Variants in YAF2 observed in about 807,000 individuals in gnomAD.
YAF2 encodes YY1 associated factor 2.
Under a neutral mutation model 20.1 loss-of-function variants are expected in YAF2, and 7 were observed. The ratio of observed to expected loss-of-function variants is 0.35; its 90% confidence interval spans 0.20 to 0.65. YAF2 has a LOEUF of 0.65. YAF2 is among the 30% of genes least tolerant of loss of function. The probability of loss-of-function intolerance (pLI) is 0.69; values close to 1 mark genes in which losing one functional copy is unlikely to be tolerated. For synonymous variants in YAF2, 74 were observed against 76.0 expected, an observed-to-expected ratio of 0.97 and a Z score of 0.14; for missense variants, 151 against 219.2, an observed-to-expected ratio of 0.69 and a Z score of 1.96.
chr12:42,173,270 T>C (rs889738859), intron 2 of YAF2, among the ~76,000 whole-genome samples: 3 of 152,204 alleles, frequency 2.0e-5, no homozygotes, highest in Admixed American at 6.5e-5. Flanking sequence ...ATGTATTTAA[T>C]TTTCAATAGC....
In YAF2 at chr12:42,175,740, C is replaced by CAAAAAAAAA. The variant is rs59476115; in HGVS notation, c.153-13984_153-13976dup. Among the ~76,000 whole-genome samples the CAAAAAAAAA allele has an allele frequency of 3.0e-3, 136 of 44,990 alleles. 3 individuals are homozygous for CAAAAAAAAA. The highest frequency in any genetic ancestry group is 7.6e-3 in the African/African-American group (99 of 13,028). 29.5% of individuals were successfully genotyped at this position (44,990 alleles called of 152,430 possible). A position where few individuals can be genotyped will look rare whatever the true frequency, so the allele number is the denominator to read the frequency against. On this transcript the variant is annotated intron_variant, in intron 2 of 3. Transcript: ENST00000534854. ...CTGGCGACAGAGCAAGACTCTGTCT[C>CAAAAAAAAA]AAAAAAAAAAAAAAAAAAAAAAAAA...
At chr12:42,161,522 C>T in intron 3 of YAF2, 91 bp downstream of exon 3, 1 of 1,361,138 alleles carries the variant, frequency 7.3e-7, no homozygotes, top group South Asian at 1.7e-5. Context: ...AAATATTTTA[C>T]TTCCACTTTG....
In YAF2 at chr12:42,161,881, A is replaced by C. The variant is rs1322822298; in HGVS notation, c.153-116T>G. 6 of 949,958 alleles carry C rather than the reference A, an allele frequency of 6.3e-6. No individual in the cohort carries two copies. In the African/African-American group the frequency reaches 1.0e-4, roughly 16 times the overall value. 58.8% of individuals were successfully genotyped at this position (949,958 alleles called of 1,614,324 possible). ...TAATAACAATAACTTTCAAGTATAA[A>C]AATTCCTCATATGTAAGGTAATTTA... On this transcript the variant is annotated intron_variant, in intron 2 of 3. Transcript: ENST00000534854.
chr12:42,230,356 G>A (rs913679523), intron 2 of YAF2, among the ~76,000 whole-genome samples: 21 of 152,204 alleles, frequency 1.4e-4, no homozygotes, highest in African/African-American at 5.1e-4. Context: ...ACACAGCACA[G>A]GATTGGGATA....
In YAF2 at chr12:42,159,719, C is replaced by T. The variant is rs1434428877; in HGVS notation, c.*870G>A. The T allele has an allele frequency of 6.6e-6, 1 of 152,370 alleles. No individual in the cohort carries two copies. The highest frequency in any genetic ancestry group is 6.6e-5 in the Admixed American group (1 of 15,250). The allele number at this position is 152,370 out of a possible 1,614,324, so 9.4% of individuals were successfully genotyped here. On this transcript the variant is annotated 3_prime_UTR_variant, in exon 4 of 4. Coordinates refer to ENST00000534854, the MANE Select transcript of YAF2 (RefSeq NM_005748.6). ...TTGGGACAAGAAAACAATGATAAAA[C>T]TATCATTAAGTTAAAGCTTTTCTAA... is the stretch of plus-strand genomic sequence containing the variant.
chr12:42,226,240 T>G (rs141884357), intron 2 of YAF2, among the ~76,000 whole-genome samples: 30 of 152,338 alleles, frequency 2.0e-4, no homozygotes, highest in African/African-American at 7.2e-4. Context: ...TTATATCATA[T>G]AAATTTCAAC....
chr12:42,198,509 C>T (rs2066813315), intron 2 of YAF2, among the ~76,000 whole-genome samples: 1 of 152,146 alleles, frequency 6.6e-6, no homozygotes, highest in African/African-American at 2.4e-5. Context: ...TTGCTTGAGC[C>T]CAAGAAGCGC....
At chr12:42,207,452 T>C (rs1288407779) in intron 2 of YAF2, among the ~76,000 whole-genome samples, 1 of 145,794 alleles carries the variant, frequency 6.9e-6, no homozygotes, top group Non-Finnish European at 1.5e-5. Flanking sequence ...TCTTTTTATA[T>C]GCCACAAGAT....
At chr12:42,169,698 C>G (rs115075227) in intron 2 of YAF2, among the ~76,000 whole-genome samples, 1,597 of 152,118 alleles carry the variant, frequency 0.01, 29 homozygotes, top group African/African-American at 0.037. Context: ...GAGGTGTGAA[C>G]CACCGTGCCC....
At chr12:42,225,301 T>A (rs1324728022) in intron 2 of YAF2, among the ~76,000 whole-genome samples, 2 of 152,056 alleles carry the variant, frequency 1.3e-5, no homozygotes, top group Non-Finnish European at 2.9e-5. Flanking sequence ...TATTCTCCAA[T>A]TCTGTAGGTT....
intron 2 of YAF2, among the ~76,000 whole-genome samples, chr12:42,226,207 G>T (rs1565654219): frequency 6.6e-6 from 1 of 152,186 alleles, no homozygotes; most frequent in African/African-American, 2.4e-5. Context: ...TTTTAGTCAA[G>T]AAACACTTCG....
chr12:42,187,120 TTAC>T (rs1417861288), intron 2 of YAF2, among the ~76,000 whole-genome samples: 5 of 152,022 alleles, frequency 3.3e-5, no homozygotes, highest in African/African-American at 1.2e-4. Context: ...CTAATTATTA[TTAC>T]TATTTTATAT....
At chr12:42,218,802 G>A (rs1053098371) in intron 2 of YAF2, among the ~76,000 whole-genome samples, 3 of 151,938 alleles carry the variant, frequency 2.0e-5, no homozygotes, top group African/African-American at 7.3e-5. Context: ...AGTCGATTAT[G>A]TAGCTCTGAG....
At position 42,158,645 on chromosome 12, in the gene YAF2, C is replaced by G. The variant is rs1362137128; in HGVS notation, c.*1944G>C. On this transcript the variant is annotated 3_prime_UTR_variant, in exon 4 of 4. Transcript: ENST00000534854. ...GGTGTCAGTTAGCACGCTTAATCTC[C>G]ATGCTACACCGTGTTCCCGTCTATG... 1 of 152,140 alleles carries G rather than the reference C, an allele frequency of 6.6e-6. No individual in the cohort carries two copies. Among genetic ancestry groups the G allele is most frequent in the Non-Finnish European group, 1.5e-5 (1 of 68,026 alleles). The allele number at this position is 152,140 out of a possible 1,614,324, so 9.4% of individuals were successfully genotyped here.
At chr12:42,201,341 C>T (rs1438315384) in intron 2 of YAF2, among the ~76,000 whole-genome samples, 1 of 152,140 alleles carries the variant, frequency 6.6e-6, no homozygotes, top group East Asian at 1.9e-4. Context: ...ATTGATAGCT[C>T]GTACGTTTTC....
intron 2 of YAF2, chr12:42,233,280 T>C: frequency 1.0e-6 from 1 of 985,412 alleles, no homozygotes; most frequent in Non-Finnish European, 1.2e-6. Flanking sequence ...ACATTACCTG[T>C]TACATTTGAA....
chr12:42,192,358 A>C (rs1464374804), intron 2 of YAF2, among the ~76,000 whole-genome samples: 1 of 152,030 alleles, frequency 6.6e-6, no homozygotes, highest in Non-Finnish European at 1.5e-5. Flanking sequence ...CACACACAAA[A>C]ATTAGTTGGG....
intron 2 of YAF2, among the ~76,000 whole-genome samples, chr12:42,164,887 T>C (rs1473503227): frequency 1.3e-5 from 2 of 151,582 alleles, no homozygotes; most frequent in South Asian, 2.1e-4. Flanking sequence ...CTGGGCAACA[T>C]AGTGAAAACC....
chr12:42,186,762 C>T (rs901342983), intron 2 of YAF2, among the ~76,000 whole-genome samples: 5 of 152,142 alleles, frequency 3.3e-5, no homozygotes, highest in Non-Finnish European at 7.3e-5. Context: ...ATTAAATTTG[C>T]CAATGCCTCA....
Sources: gnomAD v4.1 joint callset for allele counts (sites outside exome capture counted in the v4.1 genomes callset) on GRCh38, gnomAD v4.1.1 for gene constraint, MANE v1.5 for transcripts, NCBI Gene and HGNC (gene_info 2026-07-23, HGNC 2026-07-21) for gene names.